The following IL1RAPL2 variants were observed in gnomAD, a reference collection of about 807,000 sequenced individuals.
IL1RAPL2 encodes the protein interleukin 1 receptor accessory protein like 2.
IL1RAPL2 carries 3 observed loss-of-function variants against 44.1 expected under a neutral mutation model. The ratio of observed to expected loss-of-function variants is 0.07; its 90% CI spans 0.03 to 0.18. The LOEUF (loss-of-function observed/expected upper bound fraction) is 0.18, where lower values mean the gene tolerates loss of function less well. Among genes scored for constraint, IL1RAPL2 ranks in the 10% least tolerant of loss-of-function variants. The probability of loss-of-function intolerance (pLI) is 1.00; values close to 1 mark genes in which losing one functional copy is unlikely to be tolerated. For synonymous variants in IL1RAPL2, 181 were observed against 178.8 expected, an observed-to-expected ratio of 1.01 and a Z score of -0.10; for missense variants, 391 against 496.4, an observed-to-expected ratio of 0.79 and a Z score of 2.02.
chrX:105,266,369 A>G (rs1478129850), intron 4 of IL1RAPL2, among the ~76,000 whole-genome samples: 2 of 111,339 alleles, frequency 1.8e-5, no homozygotes, highest in Non-Finnish European at 3.8e-5. Context: ...TTGAATATTC[A>G]GCACTCCCTA....
chrX:105,379,298 T>C (rs1208739113), intron 5 of IL1RAPL2, among the ~76,000 whole-genome samples: 1 of 111,356 alleles, frequency 9.0e-6, no homozygotes, highest in African/African-American at 3.3e-5. Context: ...TCTGTTCCTA[T>C]TGTGGGCTTT....
intron 6 of IL1RAPL2, among the ~76,000 whole-genome samples, chrX:105,666,082 GT>G (rs11296820): frequency 0.47 from 45,804 of 98,321 alleles, 8,831 homozygotes; most frequent in African/African-American, 0.71. Flanking sequence ...TTAAAAATGG[GT>G]TTTTTTTTTT....
At chrX:104,659,489 C>T (rs1056159015) in intron 2 of IL1RAPL2, among the ~76,000 whole-genome samples, 2 of 111,703 alleles carry the variant, frequency 1.8e-5, no homozygotes, top group African/African-American at 6.5e-5. Context: ...AGGAATTTCT[C>T]GAGAAGAAAA....
intron 5 of IL1RAPL2, among the ~76,000 whole-genome samples, chrX:105,282,601 G>GT (rs757652113): frequency 4.5e-5 from 5 of 111,554 alleles, no homozygotes; most frequent in African/African-American, 1.6e-4. Context: ...AACCACTTCT[G>GT]TGTCTGTCAT....
intron 3 of IL1RAPL2, among the ~76,000 whole-genome samples, chrX:105,207,041 T>C (rs782063049): frequency 8.9e-6 from 1 of 111,915 alleles, no homozygotes; most frequent in South Asian, 3.8e-4. Flanking sequence ...CTTCCCTCCA[T>C]TCACCTTAAA....
At chrX:104,693,357 A>C (rs1458333360) in intron 2 of IL1RAPL2, among the ~76,000 whole-genome samples, 1 of 111,452 alleles carries the variant, frequency 9.0e-6, no homozygotes, top group African/African-American at 3.3e-5. Flanking sequence ...TACCCTGTCT[A>C]TCCATATCAG....
intron 6 of IL1RAPL2, among the ~76,000 whole-genome samples, chrX:105,609,868 G>T (rs1300797819): frequency 8.9e-6 from 1 of 111,755 alleles, no homozygotes; most frequent in Non-Finnish European, 1.9e-5. Flanking sequence ...CAATTAGATT[G>T]GGGATCTGAT....
chrX:105,363,437 T>G (rs1202756613), intron 5 of IL1RAPL2, among the ~76,000 whole-genome samples: 4 of 104,937 alleles, frequency 3.8e-5, no homozygotes, highest in Non-Finnish European at 7.8e-5. Context: ...ACATACTGAT[T>G]ACAATTTTTT....
chrX:105,214,367 AAAAG>A (rs1389040844), intron 3 of IL1RAPL2, among the ~76,000 whole-genome samples: 1 of 108,451 alleles, frequency 9.2e-6, no homozygotes, highest in Non-Finnish European at 1.9e-5. Flanking sequence ...ATAAAAAAAA[AAAAG>A]ACAAAGAAGG....
At chrX:104,905,763 C>T (rs1159915884) in intron 2 of IL1RAPL2, among the ~76,000 whole-genome samples, 2 of 111,215 alleles carry the variant, frequency 1.8e-5, no homozygotes, top group African/African-American at 6.6e-5. Context: ...GTTCTTTTGG[C>T]TTAGGATTGA....
At chrX:105,577,860 C>A (rs2037061517) in intron 6 of IL1RAPL2, among the ~76,000 whole-genome samples, 1 of 110,702 alleles carries the variant, frequency 9.0e-6, no homozygotes, top group Admixed American at 9.6e-5. Context: ...CAAGATGTTC[C>A]CATTTGTAGG....
At chrX:105,068,606 T>C (rs1253485506) in intron 2 of IL1RAPL2, among the ~76,000 whole-genome samples, 1 of 111,915 alleles carries the variant, frequency 8.9e-6, no homozygotes, top group African/African-American at 3.2e-5. Context: ...TTAGAAAGAA[T>C]GTTGAGCTCT....
intron 2 of IL1RAPL2, among the ~76,000 whole-genome samples, chrX:105,002,375 C>T (rs753086953): frequency 9.0e-6 from 1 of 110,682 alleles, no homozygotes; most frequent in Non-Finnish European, 1.9e-5. Context: ...CCTTGAAAGC[C>T]CATCCATTTC....
At chrX:105,504,994 A>C (rs753789463) in intron 6 of IL1RAPL2, among the ~76,000 whole-genome samples, 7 of 111,151 alleles carry the variant, frequency 6.3e-5, no homozygotes, top group African/African-American at 2.3e-4. Context: ...GTAGCATACA[A>C]GTCTATTGTA....
intron 7 of IL1RAPL2, among the ~76,000 whole-genome samples, chrX:105,730,467 A>AAAC (rs1375511068): frequency 9.0e-6 from 1 of 111,479 alleles, no homozygotes; most frequent in Non-Finnish European, 1.9e-5. Context: ...TCTAGACAGA[A>AAAC]AACAACAAAG....
intron 2 of IL1RAPL2, among the ~76,000 whole-genome samples, chrX:105,015,608 AAGATC>A (rs1361139288): frequency 2.7e-5 from 3 of 111,192 alleles, no homozygotes; most frequent in Non-Finnish European, 5.7e-5. Flanking sequence ...AGGTTTGTCA[AAGATC>A]AGATGGTTGT....
chrX:104,695,957 G>A (rs1484987098), intron 2 of IL1RAPL2, among the ~76,000 whole-genome samples: 2 of 110,839 alleles, frequency 1.8e-5, no homozygotes, highest in Non-Finnish European at 3.8e-5. Context: ...ACAGGCGCCC[G>A]CCACCACACC....
chrX:105,379,380 T>C lies in IL1RAPL2; in HGVS notation c.698-104933T>C, dbSNP rs1417151342. Among the ~76,000 whole-genome samples, 8 of 111,845 alleles carry C rather than the reference T, an allele frequency of 7.2e-5. No homozygotes were observed. The Admixed American group carries it at 7.6e-4, about 11-fold the overall frequency. ...TAGTAGAAAGTTAGCCTTTGAAGGA[T>C]TTTTATCAGTCTGTTTCCGAACTAG... On this transcript the variant is annotated intron_variant, in intron 5 of 10. Transcript: ENST00000372582.
intron 1 of IL1RAPL2, among the ~76,000 whole-genome samples, chrX:104,602,983 G>C (rs779910895): frequency 9.0e-6 from 1 of 111,614 alleles, no homozygotes. Context: ...TCTGATAAGG[G>C]TCAGACTACC....
Sources: allele counts gnomAD v4.1 joint callset (sites outside exome capture counted in the v4.1 genomes callset), GRCh38; gene constraint gnomAD v4.1.1; transcripts MANE v1.5; gene names NCBI Gene and HGNC (gene_info 2026-07-23, HGNC 2026-07-21).